Variants in MEX3C observed in about 807,000 individuals in gnomAD.
MEX3C encodes the protein mex-3 RNA binding family member C.
A neutral mutation model predicts 35.5 loss-of-function variants in MEX3C; 15 were observed. The ratio of observed to expected loss-of-function variants is 0.42; its 90% CI spans 0.28 to 0.65. The LOEUF is 0.65. Ranked by LOEUF, MEX3C falls within the 30% of genes least tolerant of loss-of-function variation. The pLI is 0.20. For missense variants in MEX3C, 711 were observed against 842.8 expected (o/e 0.84, Z 1.94); for synonymous variants, 390 against 352.8 (o/e 1.11, Z -1.18).
chr18:51,188,134 T>G (rs1177973738), intron 1 of MEX3C, among the ~76,000 whole-genome samples: 1 of 152,252 alleles, frequency 6.6e-6, no homozygotes, highest in Non-Finnish European at 1.5e-5. Context: ...AAGGCAAGAA[T>G]ACTGTTTGTC....
chr18:51,176,906 T>C lies in MEX3C; in HGVS notation c.1425A>G (p.Thr475=), dbSNP rs1314416651. 3 of 1,613,920 alleles carry C rather than the reference T, an allele frequency of 1.9e-6. No homozygotes were observed. The highest frequency in any genetic ancestry group is 2.2e-5 in the East Asian group (1 of 44,906). The change falls in exon 2 of 2, where the codon ACA becomes ACG. Residue 475 remains threonine, a synonymous_variant. Coordinates refer to ENST00000406189, the MANE Select transcript of MEX3C (RefSeq NM_016626.5). Reference sequence around the variant, plus strand: ...GTGTATCTCCAAACCAGAAGTTTCCTGTGCTAAATGGGCTTGTTGGACTAA... The same window carrying C: ...GTGTATCTCCAAACCAGAAGTTTCCCGTGCTAAATGGGCTTGTTGGACTAA... ...ADFSPTSPFS[T]GNFWFGDTLP...
chr18:51,193,349 A>G (rs988606325), intron 1 of MEX3C: 1 of 152,222 alleles, frequency 6.6e-6, no homozygotes, highest in African/African-American at 2.4e-5. Context: ...ACAAGTCTCT[A>G]AACAACTGAA....
At chr18:51,193,261 G>A (rs1443831450) in intron 1 of MEX3C, 1 of 152,130 alleles carries the variant, frequency 6.6e-6, no homozygotes, top group Non-Finnish European at 1.5e-5. Flanking sequence ...TATGTGGCTA[G>A]AGAACACACA....
intron 1 of MEX3C, among the ~76,000 whole-genome samples, chr18:51,186,264 A>G: frequency 6.6e-6 from 1 of 152,232 alleles, no homozygotes. Context: ...CACTGAATAC[A>G]GTAACCGGTT....
chr18:51,197,542 G>A lies in MEX3C; in HGVS notation c.-222C>T, dbSNP rs1293594360. On this transcript the variant is annotated 5_prime_UTR_variant, in exon 1 of 2. Coordinates refer to ENST00000406189, the MANE Select transcript of MEX3C (RefSeq NM_016626.5). ...GAAGGAGGCAGAGGTAGGTAACTAGGTGGGTGGGTGGGGACGGCGGCGGGG... is the reference window on the plus strand; with the variant it reads ...GAAGGAGGCAGAGGTAGGTAACTAGATGGGTGGGTGGGGACGGCGGCGGGG... Among the ~76,000 whole-genome samples the A allele has an allele frequency of 4.1e-5, 6 of 146,794 alleles. No individual in the cohort carries two copies. Among genetic ancestry groups the A allele is most frequent in the Non-Finnish European group, 9.1e-5 (6 of 66,016 alleles).
At chr18:51,189,135 T>C (rs1053687011) in intron 1 of MEX3C, among the ~76,000 whole-genome samples, 1 of 152,220 alleles carries the variant, frequency 6.6e-6, no homozygotes, top group Non-Finnish European at 1.5e-5. Context: ...AGTTTGTTGT[T>C]ATTAAAAGAC....
chr18:51,197,173 C>A lies in MEX3C; in HGVS notation c.148G>T (p.Glu50Ter). The part of the protein sequence containing the change: ...ELEGDGLLLR[E>*]RLAALGLDDP... ...TCGAGGCCTAGCGCGGCCAAGCGCT[C>A]CCTCAGCAGGAGCCCGTCCCCCTCG... Residue 50 changes from glutamate to a stop codon, truncating the protein, a stop_gained, in exon 1 of 2, where the codon GAG becomes TAG. Coordinates refer to ENST00000406189, the MANE Select transcript of MEX3C (RefSeq NM_016626.5). LOFTEE classifies it high-confidence loss of function. 9.6e-7 allele frequency: 1 copy of A among 1,041,598 alleles called. No individual in the cohort carries two copies. The highest frequency in any genetic ancestry group is 5.6e-5 in the Admixed American group (1 of 17,712). 64.5% of individuals were successfully genotyped at this position (1,041,598 alleles called of 1,614,324 possible). A position where few individuals can be genotyped will look rare whatever the true frequency, so the allele number is the denominator to read the frequency against.
chr18:51,189,526 A>G (rs982003903), intron 1 of MEX3C, among the ~76,000 whole-genome samples: 3 of 152,218 alleles, frequency 2.0e-5, no homozygotes, highest in Admixed American at 2.0e-4. Context: ...TTTAAAAAAC[A>G]GAAGTTAAAT....
chr18:51,181,437 C>T (rs980277032), intron 1 of MEX3C, among the ~76,000 whole-genome samples: 1 of 152,102 alleles, frequency 6.6e-6, no homozygotes, highest in Non-Finnish European at 1.5e-5. Context: ...ATGGAAATTC[C>T]CATTTTCAAG....
chr18:51,189,916 T>TA (rs1912618944), intron 1 of MEX3C, among the ~76,000 whole-genome samples: 1 of 152,222 alleles, frequency 6.6e-6, no homozygotes, highest in Admixed American at 6.5e-5. Flanking sequence ...TGGTATAGCC[T>TA]ACGAAAAACT....
chr18:51,195,045 A>T (rs1318203104), intron 1 of MEX3C: 1 of 151,138 alleles, frequency 6.6e-6, no homozygotes, highest in East Asian at 1.9e-4. Context: ...TCTTAAGGGC[A>T]GAAAGTCTGA....
intron 1 of MEX3C, among the ~76,000 whole-genome samples, chr18:51,179,272 G>C (rs1912373672): frequency 6.6e-6 from 1 of 152,108 alleles, no homozygotes; most frequent in South Asian, 2.1e-4. Context: ...CAAAGTGCTG[G>C]ATTACAGGCG....
At position 51,197,237 on chromosome 18, in the gene MEX3C, TGGCGGCGGCGGCGGC is replaced by T. The variant is rs553955500; in HGVS notation, c.69_83del (p.Pro27_Pro31del). 20 of 981,108 alleles carry T rather than the reference TGGCGGCGGCGGCGGC, an allele frequency of 2.0e-5. No homozygotes were observed. The highest frequency in any genetic ancestry group is 3.6e-5 in the African/African-American group (2 of 56,016). 60.8% of individuals were successfully genotyped at this position (981,108 alleles called of 1,614,324 possible). On this transcript the variant is annotated inframe_deletion, in exon 1 of 2. Transcript: ENST00000406189. ...CCGAGGGCGGCGGCAGAGGCGGCGG[TGGCGGCGGCGGCGGC>T]GGGGGCGGCTGCGGCAGGGGGGCCG... is the stretch of plus-strand genomic sequence containing the variant.
At chr18:51,181,297 CACACACACAA>C (rs1172073130) in intron 1 of MEX3C, among the ~76,000 whole-genome samples, 2 of 148,364 alleles carry the variant, frequency 1.3e-5, no homozygotes, top group Non-Finnish European at 3.0e-5. Flanking sequence ...CACTTTCTTA[CACACACACAA>C]ACACACACAT....
At chr18:51,180,763 G>A (rs1281731766) in intron 1 of MEX3C, among the ~76,000 whole-genome samples, 1 of 152,180 alleles carries the variant, frequency 6.6e-6, no homozygotes, top group Non-Finnish European at 1.5e-5. Flanking sequence ...GATTACGGGC[G>A]TGAGCCATCG....
chr18:51,193,251 T>C (rs1231875101), intron 1 of MEX3C: 1 of 152,194 alleles, frequency 6.6e-6, no homozygotes, highest in Non-Finnish European at 1.5e-5. Flanking sequence ...TTTTCTAGAC[T>C]ATGTGGCTAG....
Position 51,197,228 on chromosome 18 carries a change from AGGCGGCGGTGGCGGCGGC to A in MEX3C, c.75_92del (p.Pro26_Pro31del), listed in dbSNP as rs1464415831. ...CCGGGCCGCCCGAGGGCGGCGGCAGAGGCGGCGGTGGCGGCGGCGGCGGCGGGGGCGGCTGCGGCAGGG... is the reference window on the plus strand; with the variant it reads ...CCGGGCCGCCCGAGGGCGGCGGCAGAGGCGGCGGGGGCGGCTGCGGCAGGG... On this transcript the variant is annotated inframe_deletion, in exon 1 of 2. Transcript: ENST00000406189. The A allele has an allele frequency of 5.1e-5, 51 of 994,558 alleles. No individual in the cohort carries two copies. The highest frequency in any genetic ancestry group is 1.6e-4 in the African/African-American group (9 of 56,518). The allele number at this position is 994,558 out of a possible 1,614,324, so 61.6% of individuals were successfully genotyped here. A position where few individuals can be genotyped will look rare whatever the true frequency, so the allele number is the denominator to read the frequency against.
intron 1 of MEX3C, among the ~76,000 whole-genome samples, chr18:51,187,473 G>C (rs1912566542): frequency 6.6e-6 from 1 of 152,022 alleles, no homozygotes; most frequent in African/African-American, 2.4e-5. Flanking sequence ...TTTGTTTTTT[G>C]CAAAGATTAA....
chr18:51,177,230 C>T lies in MEX3C; in HGVS notation c.1101G>A (p.Lys367=), dbSNP rs921946749. The change falls in exon 2 of 2, where the codon AAG becomes AAA. Residue 367 remains lysine (K), a synonymous_variant. Transcript: ENST00000406189. The surrounding 1 kb of genome is among the most constrained non-coding windows in gnomAD (Gnocchi z 4.2). ...TCCCTGTCACTTCAAAGACAGGTTC[C>T]TTATCTCTGCTCGGAGTTACTATGT... The part of the protein sequence containing the change: ...HTYIVTPSRD[K]EPVFEVTGMP... The T allele has an allele frequency of 2.5e-6, 4 of 1,613,926 alleles. No homozygotes were observed. The highest frequency in any genetic ancestry group is 2.5e-6 in the Non-Finnish European group (3 of 1,179,888).
Sources: gnomAD v4.1 joint callset for allele counts (sites outside exome capture counted in the v4.1 genomes callset) on GRCh38, gnomAD v4.1.1 for gene constraint, Gnocchi (gnomAD v3.1) non-coding constraint, MANE v1.5 for transcripts, NCBI Gene and HGNC (gene_info 2026-07-23, HGNC 2026-07-21) for gene names.